DIS3L: variants seen among roughly 807,000 people sequenced by gnomAD.
DIS3L encodes DIS3-like exonuclease 1.
DIS3L carries 100 observed loss-of-function variants against 120.3 expected under a neutral mutation model. That is an observed-to-expected ratio of 0.83 (90% CI 0.71 to 0.98). The LOEUF (loss-of-function observed/expected upper bound fraction) is 0.98. Among genes scored for constraint, DIS3L ranks in the 50% least tolerant of loss-of-function variants. The pLI is 0.00. For missense variants in DIS3L, 1,196 were observed against 1,314.2 expected (o/e 0.91, Z 1.39); for synonymous variants, 426 against 470.6 (o/e 0.91, Z 1.23).
Position 66,295,012 on chromosome 15 carries a change from T to C in DIS3L, c.164T>C (p.Val55Ala), listed in dbSNP as rs2092570490. The C allele has an allele frequency of 1.4e-5, 22 of 1,613,894 alleles. No homozygotes were observed. In the East Asian group the frequency reaches 4.7e-4, roughly 34 times the overall value. The change falls in exon 2 of 17, where the codon GTG becomes GCG. Residue 55 changes from valine (V) to alanine (A), a missense_variant. Transcript: ENST00000319212. ...SHDGKLLSSD[V>A]THYVIPDWKV... ...GATGGGAAACTCTTGTCTAGTGATG[T>C]GACTCATTACGTGATCCCAGACTGG...
intron 12 of DIS3L, 97 bp downstream of exon 12, chr15:66,326,461 C>T (rs2092939459): frequency 7.5e-7 from 1 of 1,328,524 alleles, no homozygotes; most frequent in East Asian, 2.5e-5. Context: ...GATCTTTGAC[C>T]AAAAAGAGAA....
intron 2 of DIS3L, 38 bp downstream of exon 2, chr15:66,295,179 G>C: frequency 6.3e-7 from 1 of 1,584,006 alleles, no homozygotes; most frequent in African/African-American, 1.3e-5. Flanking sequence ...TATGGCATAG[G>C]TTCCCCCCAC....
At chr15:66,329,434 T>A (rs1347035244) in intron 14 of DIS3L, 35 bp downstream of exon 14, 1 of 1,577,892 alleles carries the variant, frequency 6.3e-7, no homozygotes, top group African/African-American at 1.4e-5. Context: ...TTACCTGTCA[T>A]CTCTTGCTAA....
chr15:66,331,630 G>C (rs2092999235), intron 14 of DIS3L: 1 of 302,102 alleles, frequency 3.3e-6, no homozygotes, highest in African/African-American at 2.2e-5. Context: ...ACCCAAATTT[G>C]CTGATCTCTA....
chr15:66,320,256 CGTTAACTAGAATATATTACA>C (rs1490222507), intron 8 of DIS3L, among the ~76,000 whole-genome samples: 4 of 152,126 alleles, frequency 2.6e-5, no homozygotes, highest in Admixed American at 1.3e-4. Context: ...GTGTTGCAAG[CGTTAACTAGAATATATTACA>C]GTTAACTAGA....
intron 1 of DIS3L, 44 bp downstream of exon 1, chr15:66,293,779 G>C: frequency 8.7e-7 from 1 of 1,146,226 alleles, no homozygotes; most frequent in Non-Finnish European, 1.1e-6. Context: ...GCGGGAGCGG[G>C]CGGCCGCAGT....
At chr15:66,317,199 T>G (rs2092826330) in intron 7 of DIS3L, among the ~76,000 whole-genome samples, 1 of 151,364 alleles carries the variant, frequency 6.6e-6, no homozygotes, top group East Asian at 1.9e-4. Flanking sequence ...TTTTTTTTTT[T>G]GGTCTATTTT....
intron 1 of DIS3L, 149 bp downstream of exon 1, chr15:66,293,884 CG>C (rs545050270): frequency 1.0e-6 from 1 of 994,716 alleles, no homozygotes; most frequent in African/African-American, 1.8e-5. Flanking sequence ...CCTCACCCCC[CG>C]GCTCTCTGCC....
intron 1 of DIS3L, 69 bp downstream of exon 1, chr15:66,293,804 G>T (rs1039629196): frequency 9.2e-7 from 1 of 1,090,136 alleles, no homozygotes; most frequent in Non-Finnish European, 1.1e-6. Flanking sequence ...GGCTGAGCGC[G>T]GCCGGGAGGC....
At chr15:66,316,549 C>T (rs2092819015) in intron 7 of DIS3L, among the ~76,000 whole-genome samples, 1 of 152,194 alleles carries the variant, frequency 6.6e-6, no homozygotes, top group South Asian at 2.1e-4. Context: ...GGTGCTGTGG[C>T]TCATGCCTGT....
At chr15:66,310,173 A>G (rs1308124790) in intron 4 of DIS3L, among the ~76,000 whole-genome samples, 2 of 152,156 alleles carry the variant, frequency 1.3e-5, no homozygotes, top group African/African-American at 4.8e-5. Context: ...AGATTCTGTA[A>G]GGGTTCCCAG....
At chr15:66,316,464 C>T (rs1212327987) in intron 7 of DIS3L, among the ~76,000 whole-genome samples, 1 of 152,162 alleles carries the variant, frequency 6.6e-6, no homozygotes, top group East Asian at 1.9e-4. Context: ...CTTCCTGCTC[C>T]CACCCTTGCC....
At chr15:66,329,620 T>C (rs1024660504) in intron 14 of DIS3L, 35 of 1,247,336 alleles carry the variant, frequency 2.8e-5, no homozygotes, top group African/African-American at 1.7e-4. Flanking sequence ...AAGGTGGAAA[T>C]GTAAAGATTC....
chr15:66,301,259 A>C (rs1057187547), intron 2 of DIS3L, among the ~76,000 whole-genome samples: 3 of 151,090 alleles, frequency 2.0e-5, no homozygotes, highest in African/African-American at 7.4e-5. Context: ...TTTTTCTGCA[A>C]GAGTTGAATT....
intron 2 of DIS3L, among the ~76,000 whole-genome samples, chr15:66,305,060 G>A (rs570379019): frequency 3.2e-4 from 46 of 143,022 alleles, no homozygotes; most frequent in Non-Finnish European, 6.1e-4. Context: ...GAGTGCAGTG[G>A]CCTGATCTCG....
At chr15:66,328,635 T>C (rs931338780) in intron 12 of DIS3L, among the ~76,000 whole-genome samples, 3 of 152,236 alleles carry the variant, frequency 2.0e-5, no homozygotes, top group Non-Finnish European at 2.9e-5. Context: ...ATTTTACCTA[T>C]ATATAGAATG....
intron 13 of DIS3L, 21 bp downstream of exon 13, chr15:66,329,145 A>G (rs373161192): frequency 1.2e-6 from 2 of 1,600,072 alleles, no homozygotes; most frequent in East Asian, 2.2e-5. Context: ...CCATATTCCT[A>G]TGTGTGGCTG....
intron 7 of DIS3L, among the ~76,000 whole-genome samples, chr15:66,316,769 C>G (rs2092821127): frequency 6.6e-6 from 1 of 152,132 alleles, no homozygotes; most frequent in South Asian, 2.1e-4. Flanking sequence ...GAGCCAAGAT[C>G]ATGCTACTAC....
intron 4 of DIS3L, among the ~76,000 whole-genome samples, chr15:66,309,887 C>T (rs2092743420): frequency 6.6e-6 from 1 of 152,170 alleles, no homozygotes; most frequent in African/African-American, 2.4e-5. Flanking sequence ...TATGTGAATG[C>T]TGTCAGATCT....
Sources: gnomAD v4.1 joint callset for allele counts (sites outside exome capture counted in the v4.1 genomes callset) on GRCh38, gnomAD v4.1.1 for gene constraint, MANE v1.5 for transcripts, NCBI Gene and HGNC (gene_info 2026-07-23, HGNC 2026-07-21) for gene names.